The following PRR11 variants were observed in gnomAD, a reference collection of about 807,000 sequenced individuals.
PRR11 encodes proline-rich protein 11.
Under a neutral mutation model 45.6 loss-of-function variants are expected in PRR11, and 30 were observed. The ratio of observed to expected loss-of-function variants is 0.66; its 90% confidence interval spans 0.49 to 0.89. PRR11 has a LOEUF of 0.89. Ranked by LOEUF, PRR11 falls within the 40% of genes least tolerant of loss-of-function variation. The pLI is 0.00. For synonymous variants in PRR11, 128 were observed against 153.5 expected (o/e 0.83, Z 1.23); for missense variants, 373 against 424.8 (o/e 0.88, Z 1.07).
In PRR11 at chr17:59,193,573, G is replaced by A. The variant is rs753441898; in HGVS notation, c.484G>A (p.Val162Ile). The A allele has an allele frequency of 1.1e-5, 17 of 1,613,988 alleles. No homozygotes were observed. The highest frequency in any genetic ancestry group is 4.4e-5 in the South Asian group (4 of 91,086). ...TAAACTTACAAATGTGCCTGCCTGC[G>A]TTCTGATCACCCCTGGAGACTCCAA... The part of the protein sequence containing the change: ...SGKLTNVPAC[V>I]LITPGDSKAV... The change falls in exon 5 of 10, where the codon GTT becomes ATT. Residue 162 changes from valine (V) to isoleucine (I), a missense_variant. Transcript: ENST00000262293.
rs952797695 is a variant in PRR11 at position 59,173,811 on chromosome 17, T to C, written c.128+3931T>C. Reference sequence around the variant, plus strand: ...CTCCGTCTAGAACAGTCCAGGTTCTTCTAGATGATCTGCACAAATGGCTCC... The same window carrying C: ...CTCCGTCTAGAACAGTCCAGGTTCTCCTAGATGATCTGCACAAATGGCTCC... On this transcript the variant is annotated intron_variant, in intron 2 of 9. Coordinates refer to ENST00000262293, the MANE Select transcript of PRR11 (RefSeq NM_018304.4). 2.0e-5 allele frequency among the ~76,000 whole-genome samples: 3 copies of C among 152,182 alleles called. 1 individual carries two copies. Among genetic ancestry groups the C allele is most frequent in the Admixed American group, 2.0e-4 (3 of 15,280 alleles).
chr17:59,181,654 G>C, intron 2 of PRR11: 1 of 1,521,070 alleles, frequency 6.6e-7, no homozygotes, highest in South Asian at 1.1e-5. Flanking sequence ...CTTCTCTGGC[G>C]CCTCCTCCGA....
intron 2 of PRR11, among the ~76,000 whole-genome samples, chr17:59,173,545 A>T (rs1471690491): frequency 6.6e-6 from 1 of 152,152 alleles, no homozygotes; most frequent in Non-Finnish European, 1.5e-5. Context: ...TAAGAGCTGT[A>T]ACACTCACCG....
At position 59,176,014 on chromosome 17, in the gene PRR11, A is replaced by G. The variant is rs1268868051; in HGVS notation, c.128+6134A>G. ...AATCAGGGCAGATGACGTAATCCCA[A>G]TATCACATTATAATAGGATGTAACT... On this transcript the variant is annotated intron_variant, in intron 2 of 9. Coordinates refer to ENST00000262293, the MANE Select transcript of PRR11 (RefSeq NM_018304.4). 3.3e-5 allele frequency among the ~76,000 whole-genome samples: 5 copies of G among 152,218 alleles called. No individual in the cohort carries two copies. The East Asian group carries it at 7.7e-4, about 23-fold the overall frequency.
Position 59,189,097 on chromosome 17 carries a change from G to A in PRR11, c.402+3535G>A, listed in dbSNP as rs931777699. 1.5e-4 allele frequency among the ~76,000 whole-genome samples: 22 copies of A among 151,322 alleles called. No homozygotes were observed. The East Asian group carries it at 2.4e-3, about 16-fold the overall frequency. On this transcript the variant is annotated intron_variant, in intron 4 of 9. Transcript: ENST00000262293. ...TTGGATCACTTGAGGTCAGGAGTTC[G>A]AGACCATCCTAGCCAACATGATGAA...
intron 2 of PRR11, among the ~76,000 whole-genome samples, chr17:59,184,843 TG>T (rs2046805668): frequency 6.7e-6 from 1 of 148,704 alleles, no homozygotes; most frequent in Non-Finnish European, 1.5e-5. Flanking sequence ...CCACCATGCC[TG>T]ATTAAGTTTT....
chr17:59,188,328 A>G (rs2046823881), intron 4 of PRR11, among the ~76,000 whole-genome samples: 2 of 152,216 alleles, frequency 1.3e-5, no homozygotes, highest in African/African-American at 4.8e-5. Flanking sequence ...GTTATTGAGA[A>G]TGGCCTAAAT....
Position 59,185,361 on chromosome 17 carries a change from C to CA in PRR11, c.280-77dup, listed in dbSNP as rs1177288825. ...CCTTTGCTTCTATAAAAACATACAT[C>CA]AAGTCACTTTCTGGTTCCTGTTTTC... On this transcript the variant is annotated intron_variant, in intron 3 of 9. Transcript: ENST00000262293. 1.1e-4 allele frequency: 164 copies of CA among 1,538,872 alleles called. 1 individual carries two copies. The highest frequency in any genetic ancestry group is 1.1e-3 in the Middle Eastern group (6 of 5,714).
At chr17:59,195,951 A>G (rs2046863926) in intron 7 of PRR11, among the ~76,000 whole-genome samples, 1 of 151,842 alleles carries the variant, frequency 6.6e-6, no homozygotes, top group African/African-American at 2.4e-5. Context: ...AGCCGGATGC[A>G]GTGGTGTGTG....
chr17:59,179,958 TCTCCATCCTCCCCAGC>T (rs2046771992), intron 2 of PRR11: 2 of 1,218,930 alleles, frequency 1.6e-6, no homozygotes, highest in East Asian at 5.2e-5. Flanking sequence ...GCCAAACCAC[TCTCCATCCTCCCCAGC>T]CTCGCAGACT....
intron 1 of PRR11, among the ~76,000 whole-genome samples, chr17:59,165,707 G>C (rs190039534): frequency 6.6e-6 from 1 of 152,046 alleles, no homozygotes; most frequent in Admixed American, 6.5e-5. Flanking sequence ...CAGGAGAATC[G>C]CTTGAACCTG....
chr17:59,180,519 G>GTTTTTTTTTTTTTTTTTTTT (rs71300619), intron 2 of PRR11, among the ~76,000 whole-genome samples: 2 of 122,928 alleles, frequency 1.6e-5, no homozygotes, highest in Admixed American at 8.1e-5. Flanking sequence ...TGTTTTTTTT[G>GTTTTTTTTTTTTTTTTTTTT]TTTTTTTTGC....
chr17:59,165,993 ATAGT>A lies in PRR11; in HGVS notation c.-5-3750_-5-3747del, dbSNP rs977441571. Among the ~76,000 whole-genome samples, 25 of 152,306 alleles carry A rather than the reference ATAGT, an allele frequency of 1.6e-4. 1 individual carries two copies. The highest frequency in any genetic ancestry group is 4.1e-4 in the South Asian group (2 of 4,826). On this transcript the variant is annotated intron_variant, in intron 1 of 9. Coordinates refer to ENST00000262293, the MANE Select transcript of PRR11 (RefSeq NM_018304.4). ...AAGCACCTTGTCAAATTGGGACCTG[ATAGT>A]TAGTCCAATTAGATGTTATCAGGAA...
chr17:59,197,818 C>G (rs1300283879), intron 9 of PRR11, 29 bp downstream of exon 9: 4 of 1,591,170 alleles, frequency 2.5e-6, no homozygotes, highest in Non-Finnish European at 3.4e-6. Context: ...AATATTGGTT[C>G]CTTTGCTTGA....
intron 1 of PRR11, among the ~76,000 whole-genome samples, chr17:59,167,618 T>G (rs1438033207): frequency 6.6e-6 from 1 of 152,178 alleles, no homozygotes; most frequent in Non-Finnish European, 1.5e-5. Flanking sequence ...GATTATATGC[T>G]AAACAAGGGG....
chr17:59,198,263 C>T (rs1488093590), intron 9 of PRR11, among the ~76,000 whole-genome samples: 1 of 151,864 alleles, frequency 6.6e-6, no homozygotes, highest in Non-Finnish European at 1.5e-5. Context: ...TGGCCGGGCA[C>T]AGTGAGTGGC....
At chr17:59,197,352 C>T (rs1040110246) in intron 7 of PRR11, among the ~76,000 whole-genome samples, 192 bp from the exon 8 acceptor site, 1 of 149,096 alleles carries the variant, frequency 6.7e-6, no homozygotes, top group African/African-American at 2.5e-5. Flanking sequence ...TCCGGGTTCA[C>T]GCCATTCTTC....
rs1207828881 is a variant in PRR11 at position 59,204,674 on chromosome 17, C to T, written c.*3043C>T. Reference sequence around the variant, plus strand: ...TGAGCCAAGATCACACCACTCCACTCCAGTCTGGACAACAGAGTGAGACCC... The same window carrying T: ...TGAGCCAAGATCACACCACTCCACTTCAGTCTGGACAACAGAGTGAGACCC... On this transcript the variant is annotated 3_prime_UTR_variant, in exon 10 of 10. Coordinates refer to ENST00000262293, the MANE Select transcript of PRR11 (RefSeq NM_018304.4). The T allele has an allele frequency of 6.6e-6, 1 of 151,466 alleles. No homozygotes were observed. Among genetic ancestry groups the T allele is most frequent in the Non-Finnish European group, 1.5e-5 (1 of 68,220 alleles). The allele number at this position is 151,466 out of a possible 1,614,324, so 9.4% of individuals were successfully genotyped here.
intron 1 of PRR11, among the ~76,000 whole-genome samples, chr17:59,166,632 G>A (rs971925891): frequency 6.6e-6 from 1 of 152,004 alleles, no homozygotes; most frequent in Non-Finnish European, 1.5e-5. Flanking sequence ...ATATGTTAGT[G>A]TATAGCATAT....
Sources: gnomAD v4.1 joint callset for allele counts (sites outside exome capture counted in the v4.1 genomes callset) on GRCh38, gnomAD v4.1.1 for gene constraint, MANE v1.5 for transcripts, NCBI Gene and HGNC (gene_info 2026-07-23, HGNC 2026-07-21) for gene names.